Variants in C1QTNF1 observed in about 807,000 individuals in gnomAD.
C1QTNF1 encodes complement C1q tumor necrosis factor-related protein 1.
Under a neutral mutation model 27.8 loss-of-function variants are expected in C1QTNF1, and 22 were observed. The ratio of observed to expected loss-of-function variants is 0.79; its 90% CI spans 0.56 to 1.13. The LOEUF (loss-of-function observed/expected upper bound fraction) is 1.13. Ranked by LOEUF, C1QTNF1 falls within the 50% of genes most tolerant of loss-of-function variation. The probability of loss-of-function intolerance (pLI) is 0.00; values close to 1 mark genes in which losing one functional copy is unlikely to be tolerated. For synonymous variants in C1QTNF1, 166 were observed against 154.3 expected (o/e 1.08, Z -0.56); for missense variants, 373 against 380.2 (o/e 0.98, Z 0.16).
At position 79,046,719 on chromosome 17, in the gene C1QTNF1, C is replaced by T. The variant is rs577010981; in HGVS notation, c.295+25C>T. The T allele has an allele frequency of 1.4e-5, 23 of 1,613,690 alleles. No individual in the cohort carries two copies. The highest frequency in any genetic ancestry group is 6.7e-5 in the East Asian group (3 of 44,874). On this transcript the variant is annotated intron_variant, in intron 3 of 3. Transcript: ENST00000579760. The surrounding 1 kb of genome is among the most constrained non-coding windows in gnomAD (Gnocchi z 4.8). Reference sequence around the variant, plus strand: ...GGTCAGATGGCTGCAAAGACAAGCACGGGGTGGCCGGGCTGCTCTGTGCTG... The same window carrying T: ...GGTCAGATGGCTGCAAAGACAAGCATGGGGTGGCCGGGCTGCTCTGTGCTG...
In C1QTNF1 at chr17:79,046,730, G is replaced by T. The variant is rs1182802346; in HGVS notation, c.295+36G>T. 11 of 1,613,400 alleles carry T rather than the reference G, an allele frequency of 6.8e-6. No individual in the cohort carries two copies. The highest frequency in any genetic ancestry group is 8.5e-6 in the Non-Finnish European group (10 of 1,179,688). On this transcript the variant is annotated intron_variant, in intron 3 of 3. Coordinates refer to ENST00000579760, the MANE Select transcript of C1QTNF1 (RefSeq NM_030968.5). This position sits in a 1 kb window ranked among gnomAD's most constrained non-coding sequence, Gnocchi z 4.8. ...TGCAAAGACAAGCACGGGGTGGCCG[G>T]GCTGCTCTGTGCTGATCCGGAGGAA...
In C1QTNF1 at chr17:79,046,462, G is replaced by A. The variant is rs2072575373; in HGVS notation, c.156-93G>A. ...GTCCAGGTGAGAGAGTGAGAAGGCA[G>A]GTCAGGCATGCCAGAACCACTGGCA... On this transcript the variant is annotated intron_variant, in intron 2 of 3. Transcript: ENST00000579760. The surrounding 1 kb of genome is among the most constrained non-coding windows in gnomAD (Gnocchi z 4.8). 6.5e-7 allele frequency: 1 copy of A among 1,541,028 alleles called. No homozygotes were observed. Among genetic ancestry groups the A allele is most frequent in the Non-Finnish European group, 8.9e-7 (1 of 1,126,266 alleles).
At chr17:79,025,483 T>A (rs2145877153) in intron 1 of C1QTNF1, among the ~76,000 whole-genome samples, 1 of 152,262 alleles carries the variant, frequency 6.6e-6, no homozygotes. Context: ...GGGAGCTTTC[T>A]GGTCCTGAGC....
chr17:79,036,227 C>T (rs114824128), intron 1 of C1QTNF1, among the ~76,000 whole-genome samples: 3,645 of 152,248 alleles, frequency 0.024, 122 homozygotes, highest in African/African-American at 0.082. Context: ...CAGGCTAGGG[C>T]GCAGTGGTGC....
intron 1 of C1QTNF1, among the ~76,000 whole-genome samples, 175 bp downstream of exon 1, chr17:79,024,669 C>T (rs906696211): frequency 2.6e-5 from 4 of 152,232 alleles, no homozygotes; most frequent in African/African-American, 9.6e-5. Flanking sequence ...TCGGGGGCAG[C>T]CCTGGCGTCT....
chr17:79,028,716 TAGAGGG>T (rs2145886498), intron 1 of C1QTNF1, among the ~76,000 whole-genome samples: 1 of 152,176 alleles, frequency 6.6e-6, no homozygotes, highest in African/African-American at 2.4e-5. Flanking sequence ...TTGTGCCCAT[TAGAGGG>T]CACTGGTCGG....
chr17:79,023,704 G>GCGTGCGCGCACA (rs1267428917), upstream of C1QTNF1, among the ~76,000 whole-genome samples: 1 of 144,936 alleles, frequency 6.9e-6, no homozygotes, highest in South Asian at 2.3e-4. Flanking sequence ...GCGCGCGCGC[G>GCGTGCGCGCACA]CACACACACA....
At position 79,048,145 on chromosome 17, in the gene C1QTNF1, C is replaced by CAGGGCTCAGCACCAGGCTG; in HGVS notation, c.*58_*59insGGGCTCAGCACCAGGCTGA. ...TTCCACCCCTGCGCTGTGCTGACCCCACCGCCTCTTCCCCGATCCCTGGAC... is the reference window on the plus strand; with the variant it reads ...TTCCACCCCTGCGCTGTGCTGACCCCAGGGCTCAGCACCAGGCTGACCGCCTCTTCCCCGATCCCTGGAC... On this transcript the variant is annotated 3_prime_UTR_variant, in exon 4 of 4. Transcript: ENST00000579760. 1 of 1,423,004 alleles carries CAGGGCTCAGCACCAGGCTG rather than the reference C, an allele frequency of 7.0e-7. No individual in the cohort carries two copies. Among genetic ancestry groups the CAGGGCTCAGCACCAGGCTG allele is most frequent in the Non-Finnish European group, 9.2e-7 (1 of 1,082,554 alleles). The allele number at this position is 1,423,004 out of a possible 1,614,324, so 88.1% of individuals were successfully genotyped here.
At chr17:79,033,063 T>C (rs2018872) in intron 1 of C1QTNF1, among the ~76,000 whole-genome samples, 60,635 of 142,846 alleles carry the variant, frequency 0.42, 14,397 homozygotes, top group East Asian at 0.69. Flanking sequence ...AGCAAAACTC[T>C]GTCTCAAAAA....
In C1QTNF1 at chr17:79,046,562, G is replaced by C. The variant is rs766028634; in HGVS notation, c.163G>C (p.Glu55Gln). The change falls in exon 3 of 4, where the codon GAA becomes CAA. Residue 55 changes from glutamate (E) to glutamine (Q), a missense_variant. Coordinates refer to ENST00000579760, the MANE Select transcript of C1QTNF1 (RefSeq NM_030968.5). The surrounding 1 kb of genome is among the most constrained non-coding windows in gnomAD (Gnocchi z 4.8). ...GATTCTTTATTCCCTCAGGGCTGAA[G>C]AACAACATGAAAAATACAGGCCCAG... ...SPPDHAERAEEQHEKYRPSQD... is the reference protein window; with the variant it reads ...SPPDHAERAEQQHEKYRPSQD... The C allele has an allele frequency of 1.2e-6, 2 of 1,614,204 alleles. No homozygotes were observed. Among genetic ancestry groups the C allele is most frequent in the Non-Finnish European group, 1.7e-6 (2 of 1,180,044 alleles).
chr17:79,047,674 C>T lies in C1QTNF1; in HGVS notation c.432C>T (p.His144=), dbSNP rs772796986. 1 of 1,613,960 alleles carries T rather than the reference C, an allele frequency of 6.2e-7. No homozygotes were observed. The highest frequency in any genetic ancestry group is 8.5e-7 in the Non-Finnish European group (1 of 1,179,904). Residue 144 remains histidine (H), a synonymous_variant, in exon 4 of 4, where the codon CAC becomes CAT. Transcript: ENST00000579760. ...MGAPGERCKS[H]YAAFSVGRKK... is the part of the protein sequence containing the mutation. ...CCCCTGGGGAGCGGTGCAAGAGCCA[C>T]TACGCCGCCTTTTCGGTGGGCCGGA...
At chr17:79,031,428 T>A (rs1043591179) in intron 1 of C1QTNF1, among the ~76,000 whole-genome samples, 1 of 152,116 alleles carries the variant, frequency 6.6e-6, no homozygotes, top group South Asian at 2.1e-4. Context: ...TTCCATCATA[T>A]GGATGGATGC....
At chr17:79,027,311 C>T (rs1469328567) in intron 1 of C1QTNF1, 1 of 152,358 alleles carries the variant, frequency 6.6e-6, no homozygotes, top group Non-Finnish European at 1.5e-5. Flanking sequence ...TCAAATGGCA[C>T]AAGGCAGCTC....
chr17:79,025,885 CCATCAT>C (rs527321770), intron 1 of C1QTNF1: 4 of 430,602 alleles, frequency 9.3e-6, no homozygotes, highest in African/African-American at 8.1e-5. Context: ...ATCATCATCA[CCATCAT>C]CATCATCATC....
chr17:79,024,676 G>T (rs565210814), intron 1 of C1QTNF1, among the ~76,000 whole-genome samples, 182 bp downstream of exon 1: 16 of 152,360 alleles, frequency 1.1e-4, no homozygotes, highest in African/African-American at 3.4e-4. Context: ...CAGCCCTGGC[G>T]TCTGGCTCTG....
rs527321770 is a variant in C1QTNF1 at position 79,025,885 on chromosome 17, CCAT to C, written c.-15+1406_-15+1408del. 749 of 426,028 alleles carry C rather than the reference CCAT, an allele frequency of 1.8e-3. 3 individuals are homozygous for C. The highest frequency in any genetic ancestry group is 8.0e-3 in the South Asian group (471 of 59,058). 26.4% of individuals were successfully genotyped at this position (426,028 alleles called of 1,614,324 possible). A position where few individuals can be genotyped will look rare whatever the true frequency, so the allele number is the denominator to read the frequency against. On this transcript the variant is annotated intron_variant, in intron 1 of 3. Coordinates refer to ENST00000579760, the MANE Select transcript of C1QTNF1 (RefSeq NM_030968.5). ...ACAACAACAGTGGCAATCATCATCA[CCAT>C]CATCATCATCATCACCATCATCATC...
chr17:79,028,598 C>A (rs1459380545), intron 1 of C1QTNF1, among the ~76,000 whole-genome samples: 9 of 152,168 alleles, frequency 5.9e-5, no homozygotes, highest in Non-Finnish European at 1.3e-4. Context: ...CAGGGGAGCC[C>A]CCTCCTCCAT....
chr17:79,036,668 A>G (rs1346190948), intron 1 of C1QTNF1, among the ~76,000 whole-genome samples: 2 of 152,238 alleles, frequency 1.3e-5, no homozygotes, highest in Non-Finnish European at 2.9e-5. Flanking sequence ...GTCTTGAGCT[A>G]TAATTGGGTA....
chr17:79,028,356 C>G lies in C1QTNF1; in HGVS notation c.-15+3862C>G, dbSNP rs546717442. On this transcript the variant is annotated intron_variant, in intron 1 of 3. Transcript: ENST00000579760. The stretch of plus-strand genomic sequence containing the variant: ...CCCTCTGCCCTGGGGAGCAGGGAAG[C>G]TGCTGGGAAAGCTGCCAGCCCTGGG... Among the ~76,000 whole-genome samples, 36 of 152,340 alleles carry G rather than the reference C, an allele frequency of 2.4e-4. No individual in the cohort carries two copies. The South Asian group carries it at 7.5e-3, about 32-fold the overall frequency.
Sources: gnomAD v4.1 joint callset for allele counts (sites outside exome capture counted in the v4.1 genomes callset) on GRCh38, gnomAD v4.1.1 for gene constraint, Gnocchi (gnomAD v3.1) non-coding constraint, MANE v1.5 for transcripts, NCBI Gene and HGNC (gene_info 2026-07-23, HGNC 2026-07-21) for gene names.